SEMA3A: variants seen among roughly 807,000 people sequenced by gnomAD.
SEMA3A encodes the protein semaphorin-3A.
A neutral mutation model predicts 97.9 loss-of-function variants in SEMA3A; 29 were observed. That is an observed-to-expected ratio of 0.30 (90% confidence interval 0.22 to 0.40). The LOEUF is 0.40. SEMA3A is among the 10% of genes least tolerant of loss of function. The pLI is 1.00. For missense variants in SEMA3A, 763 were observed against 951.3 expected (o/e 0.80, Z 2.60); for synonymous variants, 321 against 323.7 (o/e 0.99, Z 0.09).
At chr7:84,084,475 A>G (rs996542703) in intron 4 of SEMA3A, among the ~76,000 whole-genome samples, 1 of 152,024 alleles carries the variant, frequency 6.6e-6, no homozygotes, top group Non-Finnish European at 1.5e-5. Context: ...ATTCAGAAAC[A>G]TCTGAAAATA....
chr7:84,063,492 A>AT (rs1431896893), intron 4 of SEMA3A, among the ~76,000 whole-genome samples: 53 of 151,160 alleles, frequency 3.5e-4, no homozygotes, highest in Non-Finnish European at 6.7e-4. Context: ...GGACATTCAA[A>AT]CCAAAGGCAA....
rs774347961 is a variant in SEMA3A, at chr7:84,110,366, T to C, written c.453+104A>G. Reference sequence around the variant, plus strand: ...CATCTGAGTTTGAAGTAGGTCCCACTGAATAGTGAACCACAAGCAAAATAA... The same window carrying C: ...CATCTGAGTTTGAAGTAGGTCCCACCGAATAGTGAACCACAAGCAAAATAA... On this transcript the variant is annotated intron_variant, in intron 4 of 16. Transcript: ENST00000265362. The C allele has an allele frequency of 1.3e-5, 17 of 1,304,362 alleles. 1 individual carries two copies. In the Middle Eastern group the frequency reaches 5.9e-4, roughly 45 times the overall value. The allele number at this position is 1,304,362 out of a possible 1,614,324, so 80.8% of individuals were successfully genotyped here. A position where few individuals can be genotyped will look rare whatever the true frequency, so the allele number is the denominator to read the frequency against.
intron 1 of SEMA3A, among the ~76,000 whole-genome samples, chr7:84,407,117 G>C (rs1235868060): frequency 6.6e-6 from 1 of 152,120 alleles, no homozygotes; most frequent in Non-Finnish European, 1.5e-5. Flanking sequence ...AATTGTCCCT[G>C]TTTGCAGATG....
At chr7:84,220,466 A>G (rs1009347062) in intron 3 of SEMA3A, among the ~76,000 whole-genome samples, 1 of 152,144 alleles carries the variant, frequency 6.6e-6, no homozygotes, top group African/African-American at 2.4e-5. Context: ...AATCATTTCC[A>G]GGTTTTGGAT....
At chr7:84,318,104 T>C (rs1801554113) in intron 2 of SEMA3A, among the ~76,000 whole-genome samples, 1 of 151,998 alleles carries the variant, frequency 6.6e-6, no homozygotes, top group Non-Finnish European at 1.5e-5. Flanking sequence ...TTTTTTAACA[T>C]TTAAAATAAA....
chr7:84,473,050 G>C (rs1483139364), intron 1 of SEMA3A, among the ~76,000 whole-genome samples: 1 of 151,692 alleles, frequency 6.6e-6, no homozygotes, highest in East Asian at 1.9e-4. Context: ...ATCTAGATAA[G>C]AAACTCTATA....
intron 5 of SEMA3A, among the ~76,000 whole-genome samples, chr7:84,056,466 G>C (rs566166961): frequency 3.4e-4 from 52 of 152,230 alleles, no homozygotes; most frequent in Middle Eastern, 3.4e-3. Flanking sequence ...CAGGTGAAAA[G>C]TGTGACATGG....
chr7:84,273,734 C>T (rs751021570), intron 3 of SEMA3A, among the ~76,000 whole-genome samples: 1 of 152,090 alleles, frequency 6.6e-6, no homozygotes, highest in Non-Finnish European at 1.5e-5. Flanking sequence ...AAACTTCTGA[C>T]ATTCCTTGTC....
At chr7:84,330,404 T>C (rs1210242269) in intron 2 of SEMA3A, among the ~76,000 whole-genome samples, 7 of 152,060 alleles carry the variant, frequency 4.6e-5, no homozygotes, top group Admixed American at 4.6e-4. Context: ...TGAAACAATT[T>C]TAAAAAGTAA....
At chr7:84,327,952 C>T (rs1365058568) in intron 2 of SEMA3A, among the ~76,000 whole-genome samples, 1 of 151,910 alleles carries the variant, frequency 6.6e-6, no homozygotes, top group African/African-American at 2.4e-5. Flanking sequence ...TGCATATATT[C>T]TCCACACAAT....
intron 1 of SEMA3A, among the ~76,000 whole-genome samples, chr7:84,460,120 T>C (rs1210511696): frequency 6.6e-6 from 1 of 152,230 alleles, no homozygotes; most frequent in Non-Finnish European, 1.5e-5. Flanking sequence ...CAGTCAATAA[T>C]GTTATTACTT....
At chr7:84,441,977 C>A (rs755103626) in intron 1 of SEMA3A, among the ~76,000 whole-genome samples, 3 of 152,072 alleles carry the variant, frequency 2.0e-5, no homozygotes, top group Non-Finnish European at 2.9e-5. Flanking sequence ...TACCAACAGA[C>A]GTGCTCTGCA....
intron 2 of SEMA3A, among the ~76,000 whole-genome samples, chr7:84,358,444 TG>T (rs776746599): frequency 2.0e-4 from 31 of 152,310 alleles, no homozygotes; most frequent in Non-Finnish European, 3.8e-4. Context: ...ATCAGATAGT[TG>T]TCAATGTGTG....
intron 1 of SEMA3A, among the ~76,000 whole-genome samples, chr7:84,490,600 A>G (rs73386993): frequency 0.013 from 1,986 of 152,216 alleles, 56 homozygotes; most frequent in African/African-American, 0.045. Flanking sequence ...TTCTTTCTTT[A>G]CTAAACCAAA....
intron 3 of SEMA3A, among the ~76,000 whole-genome samples, chr7:84,272,355 G>A (rs1800172408): frequency 6.6e-6 from 1 of 151,790 alleles, no homozygotes. Context: ...TCTCTAATAG[G>A]TTATTAACCC....
chr7:84,056,963 A>G (rs1184579846), intron 5 of SEMA3A, among the ~76,000 whole-genome samples: 2 of 152,196 alleles, frequency 1.3e-5, no homozygotes, highest in Non-Finnish European at 2.9e-5. Context: ...CTCACAACAC[A>G]CTAGTGAAAG....
At chr7:84,265,521 A>AT (rs1799970981) in intron 3 of SEMA3A, among the ~76,000 whole-genome samples, 1 of 147,398 alleles carries the variant, frequency 6.8e-6, no homozygotes, top group Non-Finnish European at 1.5e-5. Context: ...TAAAATATAT[A>AT]ATTTTATATA....
intron 1 of SEMA3A, among the ~76,000 whole-genome samples, chr7:84,423,933 C>G (rs1444010780): frequency 3.3e-5 from 5 of 151,660 alleles, no homozygotes. Flanking sequence ...CAAATTAAAA[C>G]CACAATGAGA....
At chr7:84,057,101 T>C (rs947090468) in intron 5 of SEMA3A, among the ~76,000 whole-genome samples, 8 of 152,216 alleles carry the variant, frequency 5.3e-5, no homozygotes, top group Admixed American at 1.3e-4. Context: ...GAGCATTTTG[T>C]AATGTCAAAT....
Sources: gnomAD v4.1 joint callset for allele counts (sites outside exome capture counted in the v4.1 genomes callset) on GRCh38, gnomAD v4.1.1 for gene constraint, MANE v1.5 for transcripts, NCBI Gene and HGNC (gene_info 2026-07-23, HGNC 2026-07-21) for gene names.